Variants in PKIB observed in about 807,000 individuals in gnomAD.
The protein encoded by PKIB is cAMP-dependent protein kinase inhibitor beta.
Under a neutral mutation model 4.5 loss-of-function variants are expected in PKIB, and 2 were observed. The ratio of observed to expected loss-of-function variants is 0.44; its 90% confidence interval spans 0.18 to 1.39. PKIB has a LOEUF of 1.39. PKIB is among the 40% of genes most tolerant of loss of function. The pLI is 0.27. For synonymous variants in PKIB, 38 were observed against 36.0 expected, an observed-to-expected ratio of 1.06 and a Z score of -0.20; for missense variants, 94 against 92.6, an observed-to-expected ratio of 1.02 and a Z score of -0.06.
intron 4 of PKIB, among the ~76,000 whole-genome samples, chr6:122,718,507 C>T (rs775201531): frequency 1.3e-5 from 2 of 151,920 alleles, no homozygotes; most frequent in African/African-American, 4.8e-5. Context: ...TTAAAAGGTG[C>T]CTTTCATTTA....
intron 3 of PKIB, among the ~76,000 whole-genome samples, chr6:122,699,753 A>G (rs902668575): frequency 1.3e-5 from 2 of 152,216 alleles, no homozygotes; most frequent in African/African-American, 2.4e-5. Context: ...GATTTAATCT[A>G]ATTTCCATTT....
chr6:122,549,107 G>GC (rs1772590124), intron 2 of PKIB, among the ~76,000 whole-genome samples: 1 of 152,152 alleles, frequency 6.6e-6, no homozygotes, highest in African/African-American at 2.4e-5. Flanking sequence ...TCATGTGTCA[G>GC]CCCTGGGTAC....
At chr6:122,617,532 AG>A (rs2114778830) in intron 1 of PKIB, among the ~76,000 whole-genome samples, 1 of 152,332 alleles carries the variant, frequency 6.6e-6, no homozygotes, top group Non-Finnish European at 1.5e-5. Context: ...GAAACACTGG[AG>A]GAAACAAAAC....
At chr6:122,661,794 A>G (rs1777001724) in intron 2 of PKIB, among the ~76,000 whole-genome samples, 1 of 152,170 alleles carries the variant, frequency 6.6e-6, no homozygotes, top group Non-Finnish European at 1.5e-5. Flanking sequence ...AAGAGACTGC[A>G]CCATTTTACA....
At chr6:122,556,697 A>G (rs2114664874) in intron 2 of PKIB, among the ~76,000 whole-genome samples, 1 of 152,242 alleles carries the variant, frequency 6.6e-6, no homozygotes, top group Admixed American at 6.5e-5. Flanking sequence ...AGCTTTAATA[A>G]TTTTGAAGCA....
intron 3 of PKIB, among the ~76,000 whole-genome samples, chr6:122,713,952 A>C (rs770166371): frequency 6.6e-6 from 1 of 152,124 alleles, no homozygotes; most frequent in Non-Finnish European, 1.5e-5. Flanking sequence ...GTGTCAGTGG[A>C]TCTAATACAT....
intron 1 of PKIB, among the ~76,000 whole-genome samples, chr6:122,613,741 G>A (rs372014634): frequency 1.3e-4 from 19 of 151,952 alleles, no homozygotes; most frequent in African/African-American, 4.3e-4. Flanking sequence ...TGAGGTGGGC[G>A]GATCACAAGG....
chr6:122,613,520 A>G, intron 1 of PKIB, among the ~76,000 whole-genome samples: 1 of 152,114 alleles, frequency 6.6e-6, no homozygotes, highest in East Asian at 1.9e-4. Flanking sequence ...TGTTCCTCTA[A>G]ATCCTGTTAG....
chr6:122,627,101 G>T (rs1692540150), intron 1 of PKIB, among the ~76,000 whole-genome samples: 1 of 151,274 alleles, frequency 6.6e-6, no homozygotes, highest in Non-Finnish European at 1.5e-5. Flanking sequence ...AAATTAGCTG[G>T]GCGTGCTGGC....
At chr6:122,471,976 G>A (rs971811622) in exon 1 of PKIB, 4 of 970,638 alleles carry the variant, frequency 4.1e-6, no homozygotes, top group Non-Finnish European at 5.8e-6. Flanking sequence ...AATTTCTCAA[G>A]GACTGCTGGC....
intron 2 of PKIB, among the ~76,000 whole-genome samples, chr6:122,580,990 C>T (rs1773686474): frequency 2.0e-5 from 3 of 152,138 alleles, no homozygotes; most frequent in Admixed American, 1.3e-4. Flanking sequence ...TTCTGTATTA[C>T]AGACTGTAGC....
Position 122,717,788 on chromosome 6 carries a change from T to A in PKIB, c.-7T>A, listed in dbSNP as rs1191084683. On this transcript the variant is annotated splice_region_variant and 5_prime_UTR_variant, in exon 4 of 5. The change abolishes an upstream ATG in the 5' untranslated region. Coordinates refer to ENST00000368452, the MANE Select transcript of PKIB (RefSeq NM_181795.3). ...TTCATATGCACATTCTATTTGTAGATGTTGCTATGAGGACAGATTCATCAA... is the reference window on the plus strand; with the variant it reads ...TTCATATGCACATTCTATTTGTAGAAGTTGCTATGAGGACAGATTCATCAA... The A allele has an allele frequency of 6.8e-6, 11 of 1,613,678 alleles. No individual in the cohort carries two copies. The highest frequency in any genetic ancestry group is 9.3e-6 in the Non-Finnish European group (11 of 1,179,772).
rs77355329 is a variant in PKIB, at chr6:122,614,500, C to T, written c.-161+3965C>T. Among the ~76,000 whole-genome samples, 332 of 152,130 alleles carry T rather than the reference C, an allele frequency of 2.2e-3. 3 individuals are homozygous for T. The highest frequency in any genetic ancestry group is 7.5e-3 in the African/African-American group (313 of 41,514). On this transcript the variant is annotated intron_variant, in intron 1 of 4. Transcript: ENST00000368452. ...ATGCTGTTGAAAGTATTCTTATCCCCGTGGGGGTGTGGGAGTAAGCATCCC... is the reference window on the plus strand; with the variant it reads ...ATGCTGTTGAAAGTATTCTTATCCCTGTGGGGGTGTGGGAGTAAGCATCCC...
chr6:122,516,649 G>A (rs1158941113), intron 2 of PKIB, among the ~76,000 whole-genome samples: 10 of 152,266 alleles, frequency 6.6e-5, no homozygotes, highest in East Asian at 1.9e-4. Flanking sequence ...CAGATCTGAC[G>A]TATAGCAGGA....
intron 3 of PKIB, among the ~76,000 whole-genome samples, chr6:122,595,836 A>T (rs1446551552): frequency 6.6e-6 from 1 of 152,078 alleles, no homozygotes; most frequent in Non-Finnish European, 1.5e-5. Flanking sequence ...GTGGCTGGGG[A>T]AAAAGGCTGA....
intron 2 of PKIB, among the ~76,000 whole-genome samples, chr6:122,574,217 A>G (rs563081664): frequency 1.3e-5 from 2 of 152,212 alleles, no homozygotes; most frequent in Non-Finnish European, 2.9e-5. Context: ...AATATCCTTA[A>G]CCAAGTAGGT....
intron 1 of PKIB, among the ~76,000 whole-genome samples, chr6:122,618,906 G>A (rs1775100146): frequency 6.6e-6 from 1 of 152,062 alleles, no homozygotes; most frequent in Non-Finnish European, 1.5e-5. Context: ...TCTTCAGAAA[G>A]CCTGTGCAGT....
chr6:122,624,681 G>A (rs537784276), intron 1 of PKIB, among the ~76,000 whole-genome samples: 1 of 152,272 alleles, frequency 6.6e-6, no homozygotes, highest in South Asian at 2.1e-4. Flanking sequence ...AATATTGTGA[G>A]GCACCATGAT....
intron 2 of PKIB, among the ~76,000 whole-genome samples, chr6:122,567,684 CTT>C (rs746076135): frequency 2.8e-4 from 42 of 152,100 alleles, no homozygotes; most frequent in Non-Finnish European, 5.3e-4. Flanking sequence ...TAAAAGAACT[CTT>C]ATAAAACAAC....
Sources: gnomAD v4.1 joint callset for allele counts (sites outside exome capture counted in the v4.1 genomes callset) on GRCh38, gnomAD v4.1.1 for gene constraint, MANE v1.5 for transcripts, NCBI Gene and HGNC (gene_info 2026-07-23, HGNC 2026-07-21) for gene names.